ALDH1A2: variants seen among roughly 807,000 people sequenced by gnomAD.
ALDH1A2 encodes aldehyde dehydrogenase 1 family member A2.
ALDH1A2 carries 27 observed loss-of-function variants against 60.3 expected under a neutral mutation model. The ratio of observed to expected loss-of-function variants is 0.45; its 90% CI spans 0.33 to 0.62. The LOEUF is 0.62. Ranked by LOEUF, ALDH1A2 falls within the 20% of genes least tolerant of loss-of-function variation. ALDH1A2 has a pLI of 0.02. For synonymous variants in ALDH1A2, 289 were observed against 232.4 expected (o/e 1.24, Z -2.21); for missense variants, 581 against 643.8 (o/e 0.90, Z 1.06).
At chr15:58,051,401 G>C (rs1237121879) in intron 1 of ALDH1A2, among the ~76,000 whole-genome samples, 4 of 151,494 alleles carry the variant, frequency 2.6e-5, no homozygotes, top group Admixed American at 2.6e-4. Context: ...TCCCAGAAAA[G>C]AAAAAAAGAG....
chr15:58,017,591 T>A (rs1382131451), intron 1 of ALDH1A2, among the ~76,000 whole-genome samples: 2 of 152,154 alleles, frequency 1.3e-5, no homozygotes, highest in African/African-American at 2.4e-5. Flanking sequence ...GAGATCTGTT[T>A]AAAATCTGGA....
intron 1 of ALDH1A2, among the ~76,000 whole-genome samples, chr15:58,052,360 A>G (rs545341163): frequency 3.3e-5 from 5 of 152,216 alleles, no homozygotes; most frequent in African/African-American, 9.6e-5. Context: ...GAAATCTTAT[A>G]GCTTTTCTAA....
intron 1 of ALDH1A2, among the ~76,000 whole-genome samples, chr15:58,030,000 A>G (rs1896189165): frequency 6.6e-6 from 1 of 152,218 alleles, no homozygotes; most frequent in African/African-American, 2.4e-5. Context: ...AACTATTCCA[A>G]TCAATAGAAA....
intron 4 of ALDH1A2, among the ~76,000 whole-genome samples, chr15:58,003,957 T>A (rs1220282822): frequency 6.6e-6 from 1 of 151,522 alleles, no homozygotes; most frequent in Non-Finnish European, 1.5e-5. Flanking sequence ...GATAGTGTTG[T>A]AAAGGAAACA....
Position 57,962,350 on chromosome 15 carries a change from T to C in ALDH1A2, c.1087-174A>G, listed in dbSNP as rs140074385. ...TTTGACCTACAAAAAACTGGCAATTTTGTATGGTTAATCCTAATATATCGA... is the reference window on the plus strand; with the variant it reads ...TTTGACCTACAAAAAACTGGCAATTCTGTATGGTTAATCCTAATATATCGA... On this transcript the variant is annotated intron_variant, in intron 9 of 12. Transcript: ENST00000249750. 1.6e-4 allele frequency among the ~76,000 whole-genome samples: 25 copies of C among 152,328 alleles called. No homozygotes were observed. The South Asian group carries it at 1.9e-3, about 11-fold the overall frequency.
intron 1 of ALDH1A2, chr15:58,036,508 G>T (rs1896381767): frequency 6.6e-6 from 1 of 151,418 alleles, no homozygotes; most frequent in Non-Finnish European, 1.5e-5. Flanking sequence ...TAAGGGACCT[G>T]CGCAACTCCC....
chr15:58,058,954 G>A (rs1285283430), intron 1 of ALDH1A2, among the ~76,000 whole-genome samples: 1 of 152,202 alleles, frequency 6.6e-6, no homozygotes, highest in Non-Finnish European at 1.5e-5. Flanking sequence ...TCTAGGTGGT[G>A]AAATCACCCA....
intron 1 of ALDH1A2, chr15:58,036,642 G>T (rs141729398): frequency 2.3e-4 from 35 of 151,560 alleles, no homozygotes; most frequent in African/African-American, 8.0e-4. Context: ...TATACTAAAG[G>T]CCTCTTCTGA....
chr15:57,989,458 G>A (rs1452355363), intron 7 of ALDH1A2, among the ~76,000 whole-genome samples: 1 of 152,074 alleles, frequency 6.6e-6, no homozygotes, highest in Non-Finnish European at 1.5e-5. Context: ...AAGAATAAAT[G>A]GGCTTTGAAA....
At chr15:58,044,435 T>C (rs562163894) in intron 1 of ALDH1A2, among the ~76,000 whole-genome samples, 1 of 152,046 alleles carries the variant, frequency 6.6e-6, no homozygotes, top group South Asian at 2.1e-4. Context: ...ATCATGATGC[T>C]TCTTAGACAC....
rs775144792 is a variant in ALDH1A2 at position 58,010,659 on chromosome 15, G to T, written c.483C>A (p.Thr161=). 2.5e-6 allele frequency: 4 copies of T among 1,613,202 alleles called. No individual in the cohort carries two copies. The highest frequency in any genetic ancestry group is 1.1e-5 in the South Asian group (1 of 91,048). Residue 161 remains threonine, a synonymous_variant, in exon 4 of 13, where the codon ACC becomes ACA. Transcript: ENST00000249750. ...AGWADKIHGM[T]IPVDGDYFTF... ...TCAGATTTCACATACCTACAGGAAT[G>T]GTCATCCCATGAATTTTATCAGCCC... is the stretch of plus-strand genomic sequence containing the variant.
At chr15:58,065,409 G>T (rs1897150852) in intron 1 of ALDH1A2, 125 bp downstream of exon 1, 6 of 871,658 alleles carry the variant, frequency 6.9e-6, no homozygotes, top group East Asian at 2.4e-5. Flanking sequence ...TGCTGCGCCG[G>T]GATGACAGGC....
intron 1 of ALDH1A2, among the ~76,000 whole-genome samples, chr15:58,026,737 G>A (rs1483825826): frequency 6.6e-6 from 1 of 152,212 alleles, no homozygotes; most frequent in African/African-American, 2.4e-5. Flanking sequence ...GGTTCGGCGG[G>A]TCCCATGCCC....
rs1209995919 is a variant in ALDH1A2, at chr15:57,954,999, G to T, written c.*198C>A. The T allele has an allele frequency of 4.6e-6, 3 of 648,452 alleles. No homozygotes were observed. Among genetic ancestry groups the T allele is most frequent in the East Asian group, 2.7e-5 (1 of 36,696 alleles). 40.2% of individuals were successfully genotyped at this position (648,452 alleles called of 1,614,324 possible). ...CCCAATATTTGGTATGATTAAGGTG[G>T]CCCCTTACAGAGTGCCAAGAAACTG... On this transcript the variant is annotated 3_prime_UTR_variant, in exon 13 of 13. Coordinates refer to ENST00000249750, the MANE Select transcript of ALDH1A2 (RefSeq NM_003888.4).
intron 1 of ALDH1A2, among the ~76,000 whole-genome samples, chr15:58,030,881 A>G (rs1256345950): frequency 6.6e-6 from 1 of 152,202 alleles, no homozygotes; most frequent in Non-Finnish European, 1.5e-5. Flanking sequence ...AAAATAAAAG[A>G]GGAGACAAAC....
chr15:58,052,950 A>C (rs1416550754), intron 1 of ALDH1A2, among the ~76,000 whole-genome samples: 1 of 152,206 alleles, frequency 6.6e-6, no homozygotes, highest in African/African-American at 2.4e-5. Context: ...TTCACTTTCT[A>C]GTCCTGGCAT....
chr15:57,982,232 T>G (rs1159460456), intron 7 of ALDH1A2, among the ~76,000 whole-genome samples: 1 of 152,190 alleles, frequency 6.6e-6, no homozygotes, highest in Non-Finnish European at 1.5e-5. Flanking sequence ...ATCTCTAATC[T>G]ACAGCTGGGA....
At chr15:58,026,569 C>T (rs574714891) in intron 1 of ALDH1A2, among the ~76,000 whole-genome samples, 1 of 152,288 alleles carries the variant, frequency 6.6e-6, no homozygotes, top group Non-Finnish European at 1.5e-5. Flanking sequence ...TGGGACATCA[C>T]CTCACCCAGG....
chr15:58,002,337 G>A (rs917095335), intron 4 of ALDH1A2, among the ~76,000 whole-genome samples: 4 of 151,822 alleles, frequency 2.6e-5, no homozygotes, highest in African/African-American at 4.8e-5. Flanking sequence ...ACTGTTCTAT[G>A]TTTTTTGATG....
Sources: allele counts gnomAD v4.1 joint callset (sites outside exome capture counted in the v4.1 genomes callset), GRCh38; gene constraint gnomAD v4.1.1; transcripts MANE v1.5; gene names NCBI Gene and HGNC (gene_info 2026-07-23, HGNC 2026-07-21).